LBP: variants seen among roughly 807,000 people sequenced by gnomAD.
LBP encodes lipopolysaccharide-binding protein.
LBP carries 53 observed loss-of-function variants against 56.6 expected under a neutral mutation model. That is an observed-to-expected ratio of 0.94 (90% CI 0.75 to 1.18). The LOEUF is 1.18. Ranked by LOEUF, LBP falls within the 50% of genes most tolerant of loss-of-function variation. LBP has a pLI of 0.00. For missense variants in LBP, 601 were observed against 598.3 expected (o/e 1.00, Z -0.05); for synonymous variants, 227 against 247.5 (o/e 0.92, Z 0.78).
At chr20:38,366,653 T>C in intron 8 of LBP, 116 bp from the exon 9 acceptor site, 1 of 955,936 alleles carries the variant, frequency 1.0e-6, no homozygotes, top group Admixed American at 1.7e-5. Flanking sequence ...CCTGCCAGGG[T>C]AACCCAGGCT....
chr20:38,349,538 C>G lies in LBP; in HGVS notation c.125-10C>G, dbSNP rs1180536456. On this transcript the variant is annotated splice_polypyrimidine_tract_variant and intron_variant, in intron 1 of 14. Transcript: ENST00000217407. ...GATCAAGCTGACTCCCAGCTATTTC[C>G]TTTCCACAGCGGCCCAGGAGGGGCT... 4 of 1,585,580 alleles carry G rather than the reference C, an allele frequency of 2.5e-6. No homozygotes were observed. The highest frequency in any genetic ancestry group is 3.4e-6 in the Non-Finnish European group (4 of 1,165,464).
rs2076830703 is a variant in LBP, at chr20:38,354,301, T to C, written c.386T>C (p.Phe129Ser). ...RKSFFKLQGS[F>S]DVSVKGISIS... ...TCCTCCAGCAAACTACAGGGCTCCT[T>C]TGATGTCAGTGTCAAGGGCATCAGC... The change falls in exon 4 of 15, where the codon TTT (phenylalanine) becomes TCT (serine). Residue 129 changes from phenylalanine to serine, a missense_variant. Phe to Ser is a radical substitution (Grantham distance 155). Transcript: ENST00000217407. 1 of 1,613,626 alleles carries C rather than the reference T, an allele frequency of 6.2e-7. No homozygotes were observed. The highest frequency in any genetic ancestry group is 1.1e-5 in the South Asian group (1 of 91,034).
At chr20:38,354,186 A>G (rs1225286958) in intron 3 of LBP, 98 bp from the exon 4 acceptor site, 4 of 928,874 alleles carry the variant, frequency 4.3e-6, no homozygotes, top group Admixed American at 2.5e-5. Context: ...GCTCAGCTCC[A>G]TGTATTTGGA....
intron 12 of LBP, among the ~76,000 whole-genome samples, chr20:38,371,548 T>G (rs954159558): frequency 6.6e-6 from 1 of 152,202 alleles, no homozygotes; most frequent in Non-Finnish European, 1.5e-5. Context: ...AGAATTCTCT[T>G]AACTGCAAGA....
intron 1 of LBP, 26 bp from the exon 2 acceptor site, chr20:38,349,522 G>T (rs776762757): frequency 6.4e-7 from 1 of 1,551,064 alleles, no homozygotes; most frequent in Non-Finnish European, 8.8e-7. Flanking sequence ...AGATCAAGCT[G>T]ACTCCCAGCT....
At position 38,346,601 on chromosome 20, in the gene LBP, G is replaced by A. The variant is rs144675108; in HGVS notation, c.85G>A (p.Gly29Ser). The A allele has an allele frequency of 1.7e-5, 27 of 1,613,700 alleles. No homozygotes were observed. The highest frequency in any genetic ancestry group is 1.6e-4 in the Middle Eastern group (1 of 6,062). ...CCCAGAGGCTCTGGGTGCCAACCCC[G>A]GCTTGGTCGCCAGGATCACCGACAA... Reference protein sequence around the residue: ...STPEALGANPGLVARITDKGL... With the variant: ...STPEALGANPSLVARITDKGL... Residue 29 changes from glycine to serine, a missense_variant, in exon 1 of 15, where the codon GGC (glycine) becomes AGC (serine). Gly to Ser is a moderately conservative substitution (Grantham distance 56). Transcript: ENST00000217407.
intron 5 of LBP, among the ~76,000 whole-genome samples, chr20:38,356,917 G>A (rs547142170): frequency 8.6e-5 from 13 of 151,964 alleles, no homozygotes; most frequent in South Asian, 2.1e-4. Flanking sequence ...GTGCAGTGGC[G>A]CGACCTTGGC....
intron 1 of LBP, 30 bp from the exon 2 acceptor site, chr20:38,349,518 A>G (rs768517306): frequency 3.9e-6 from 6 of 1,538,002 alleles, no homozygotes; most frequent in Non-Finnish European, 5.3e-6. Context: ...AGGCAGATCA[A>G]GCTGACTCCC....
chr20:38,367,964 G>T (rs746992376), intron 9 of LBP, among the ~76,000 whole-genome samples: 30 of 151,968 alleles, frequency 2.0e-4, no homozygotes, highest in African/African-American at 7.0e-4. Context: ...GGCCAAAGTG[G>T]GGGGGTAGCT....
chr20:38,364,727 T>C lies in LBP; in HGVS notation c.896T>C (p.Leu299Pro). ...CTGGTTTATCATGAGGAAGGATATC[T>C]GAACTTCTCCATCACAGATGACATG... ...ASLVYHEEGY[L>P]NFSITDDMIP... The change falls in exon 8 of 15, where the codon CTG (leucine) becomes CCG (proline). Residue 299 changes from leucine to proline, a missense_variant. Leu to Pro is a moderately conservative substitution (Grantham distance 98). Transcript: ENST00000217407. The C allele has an allele frequency of 2.5e-6, 4 of 1,612,782 alleles. No homozygotes were observed. The highest frequency in any genetic ancestry group is 3.4e-6 in the Non-Finnish European group (4 of 1,179,220).
Position 38,366,729 on chromosome 20 carries a change from C to T in LBP, c.922-40C>T, listed in dbSNP as rs371151497. The T allele has an allele frequency of 4.3e-5, 68 of 1,587,280 alleles. No individual in the cohort carries two copies. In the African/African-American group the frequency reaches 6.8e-4, roughly 16 times the overall value. ...ATCTTCTTTAGACCTTCAGCTCCAGCGGGAGCACCCTAAAACTTCTTCATG... is the reference window on the plus strand; with the variant it reads ...ATCTTCTTTAGACCTTCAGCTCCAGTGGGAGCACCCTAAAACTTCTTCATG... On this transcript the variant is annotated intron_variant, in intron 8 of 14. Coordinates refer to ENST00000217407, the MANE Select transcript of LBP (RefSeq NM_004139.5).
At chr20:38,362,688 C>T (rs922493355) in intron 6 of LBP, among the ~76,000 whole-genome samples, 2 of 151,850 alleles carry the variant, frequency 1.3e-5, no homozygotes, top group Admixed American at 1.3e-4. Flanking sequence ...TGGTGCACAC[C>T]TATAATCCCA....
chr20:38,349,061 C>G (rs1366104966), intron 1 of LBP, among the ~76,000 whole-genome samples: 1 of 152,160 alleles, frequency 6.6e-6, no homozygotes, highest in Non-Finnish European at 1.5e-5. Flanking sequence ...TCCCAAAGTG[C>G]TGGGATTACA....
intron 2 of LBP, 50 bp downstream of exon 2, chr20:38,349,712 CA>C (rs1568826533): frequency 2.2e-6 from 3 of 1,333,536 alleles, no homozygotes; most frequent in Middle Eastern, 1.9e-4. Flanking sequence ...AGCTGGCTGT[CA>C]GGGGGAATTG....
chr20:38,367,304 AT>A (rs2076885725), intron 9 of LBP, among the ~76,000 whole-genome samples: 1 of 152,010 alleles, frequency 6.6e-6, no homozygotes, highest in Non-Finnish European at 1.5e-5. Context: ...AAATACAAAA[AT>A]TAGCCAAGCG....
chr20:38,364,624 G>T lies in LBP; in HGVS notation c.793G>T (p.Ala265Ser), dbSNP rs2122615973. 6.2e-7 allele frequency: 1 copy of T among 1,614,084 alleles called. No individual in the cohort carries two copies. Among genetic ancestry groups the T allele is most frequent in the South Asian group, 1.1e-5 (1 of 91,066 alleles). Residue 265 changes from alanine to serine, a missense_variant, in exon 8 of 15, where the codon GCA becomes TCA. Ala to Ser is a moderately conservative substitution (Grantham distance 99). Transcript: ENST00000217407. ...NHRSPVTLLA[A>S]VMSLPEEHNK... is the part of the protein sequence containing the mutation. Reference sequence around the variant, plus strand: ...CCGTTCTCCAGTTACCCTCCTTGCTGCAGTCATGAGCCTTCCTGAGGAACA... The same window carrying T: ...CCGTTCTCCAGTTACCCTCCTTGCTTCAGTCATGAGCCTTCCTGAGGAACA...
chr20:38,350,061 G>A (rs972499977), intron 2 of LBP, among the ~76,000 whole-genome samples: 2 of 152,120 alleles, frequency 1.3e-5, no homozygotes, highest in Non-Finnish European at 2.9e-5. Flanking sequence ...GGGGAGTCAG[G>A]GAAGGCTTCC....
intron 10 of LBP, among the ~76,000 whole-genome samples, chr20:38,370,474 C>T (rs1427380097): frequency 1.3e-5 from 2 of 152,120 alleles, no homozygotes; most frequent in East Asian, 3.8e-4. Context: ...AGGGTAGGTA[C>T]TCTATACCTT....
chr20:38,369,193 T>TCCTTTTCCCCACATGCTTTTC lies in LBP; in HGVS notation c.1149+53_1149+73dup, dbSNP rs749126431. ...GTTCAGAGCCTTTGCAAATGCTGTT[T>TCCTTTTCCCCACATGCTTTTC]CCTTTTCCCCACATGCTTTTCCCTT... On this transcript the variant is annotated intron_variant, in intron 10 of 14. Transcript: ENST00000217407. The TCCTTTTCCCCACATGCTTTTC allele has an allele frequency of 1.1e-5, 17 of 1,583,846 alleles. No homozygotes were observed. In the South Asian group the frequency reaches 1.1e-4, roughly 11 times the overall value.
Sources: gnomAD v4.1 joint callset for allele counts (sites outside exome capture counted in the v4.1 genomes callset) on GRCh38, gnomAD v4.1.1 for gene constraint, MANE v1.5 for transcripts, NCBI Gene and HGNC (gene_info 2026-07-23, HGNC 2026-07-21) for gene names.